Variants in MGAT1 observed in about 807,000 individuals in gnomAD.
The protein encoded by MGAT1 is alpha-1,3-mannosyl-glycoprotein 2-beta-N-acetylglucosaminyltransferase.
Under a neutral mutation model 31.7 loss-of-function variants are expected in MGAT1, and 14 were observed. The ratio of observed to expected loss-of-function variants is 0.44; its 90% confidence interval spans 0.29 to 0.69. The LOEUF is 0.69. Among genes scored for constraint, MGAT1 ranks in the 30% least tolerant of loss-of-function variants. MGAT1 has a pLI of 0.12. For synonymous variants in MGAT1, 338 were observed against 276.0 expected, an observed-to-expected ratio of 1.22 and a Z score of -2.23; for missense variants, 557 against 626.0, an observed-to-expected ratio of 0.89 and a Z score of 1.18.
chr5:180,811,510 A>C (rs1561885428), intron 1 of MGAT1: 1 of 152,088 alleles, frequency 6.6e-6, no homozygotes, highest in African/African-American at 2.4e-5. Flanking sequence ...TCAGGCCAGA[A>C]CCAGAAGAGC....
chr5:180,808,677 G>A (rs989694253), exon 2 of MGAT1: 3 of 152,264 alleles, frequency 2.0e-5, no homozygotes, highest in Admixed American at 1.3e-4. Context: ...TTGCTCTCCA[G>A]GAGATCATCA....
rs77446055 is a variant in MGAT1 at position 180,788,454 on chromosome 5, G to A, written c.*3180C>T. ...GCTGGGGAATGGCCTGGAAGAGGCC[G>A]TAAAGGCTGGAATGGAACAGTCCAG... On this transcript the variant is annotated 3_prime_UTR_variant, in exon 2 of 2. Coordinates refer to ENST00000307826, the MANE Select transcript of MGAT1 (RefSeq NM_002406.4). 0.086 allele frequency: 13,152 copies of A among 152,452 alleles called. 1,220 individuals carry two copies. The highest frequency in any genetic ancestry group is 0.23 in the African/African-American group (9,718 of 41,498). The allele number at this position is 152,452 out of a possible 1,614,324, so 9.4% of individuals were successfully genotyped here.
chr5:180,793,809 C>T (rs1255114516), intron 1 of MGAT1, among the ~76,000 whole-genome samples: 1 of 152,146 alleles, frequency 6.6e-6, no homozygotes, highest in Non-Finnish European at 1.5e-5. Flanking sequence ...GAAAACCCTA[C>T]TTACAAAAGC....
At chr5:180,800,328 T>C (rs1175219917) in intron 1 of MGAT1, among the ~76,000 whole-genome samples, 1 of 152,246 alleles carries the variant, frequency 6.6e-6, no homozygotes, top group Non-Finnish European at 1.5e-5. Context: ...ACAATAGTTA[T>C]CACTTACTCC....
Position 180,794,411 on chromosome 5 carries a change from T to TTA in MGAT1, c.-126-1316_-126-1315dup, listed in dbSNP as rs1554130047. The stretch of plus-strand genomic sequence containing the variant: ...TCTGTCTCAAAAAAATTTTTTTTTA[T>TTA]TATATATATATATATATGGCATACT... On this transcript the variant is annotated intron_variant, in intron 1 of 1. Transcript: ENST00000307826. Among the ~76,000 whole-genome samples the TTA allele has an allele frequency of 3.3e-3, 463 of 141,984 alleles. 1 individual carries two copies. Among genetic ancestry groups the TTA allele is most frequent in the Middle Eastern group, 0.014 (4 of 288 alleles). The allele number at this position is 141,984 out of a possible 152,430, so 93.1% of individuals were successfully genotyped here. A position where few individuals can be genotyped will look rare whatever the true frequency, so the allele number is the denominator to read the frequency against.
chr5:180,797,429 A>AAAG (rs1491382896), intron 1 of MGAT1, among the ~76,000 whole-genome samples: 57 of 90,390 alleles, frequency 6.3e-4, no homozygotes, highest in African/African-American at 1.8e-3. Flanking sequence ...AAAAAAAAAA[A>AAAG]GGGGGGGGGG....
chr5:180,810,267 T>G (rs1461334702), intron 1 of MGAT1: 1 of 152,230 alleles, frequency 6.6e-6, no homozygotes, highest in East Asian at 1.9e-4. Context: ...CCGCCCATTT[T>G]TCTACCCAAC....
rs116483755 is a variant in MGAT1, at chr5:180,801,117, G to A, written c.-127+1563C>T. 9.9e-3 allele frequency among the ~76,000 whole-genome samples: 1,514 copies of A among 152,342 alleles called. 23 individuals are homozygous for A. The highest frequency in any genetic ancestry group is 0.035 in the African/African-American group (1,462 of 41,580). ...CTATGGGGCTCACTCAGTTTCTGAA[G>A]CATTTGAAGGACTGCCTAGGAGCTG... On this transcript the variant is annotated intron_variant, in intron 1 of 1. Transcript: ENST00000307826.
In MGAT1 at chr5:180,792,074, C is replaced by T. The variant is rs1370681184; in HGVS notation, c.898G>A (p.Gly300Arg). ...ATCTCAGGGCGTATGCAGGCCCGCC[C>T]CTGCCGCTGCTCCGGCCGCCGCATC... is the stretch of plus-strand genomic sequence containing the variant. ...DWMRRPEQRQ[G>R]RACIRPEISR... Residue 300 changes from glycine to arginine, a missense_variant, in exon 2 of 2, where the codon GGG becomes AGG. By Grantham distance (125) the Gly-to-Arg change is moderately radical. This residue lies in a region of MGAT1 where 245 missense variants were observed against 332.9 expected (regional missense o/e 0.74). Transcript: ENST00000307826. 1.2e-6 allele frequency: 2 copies of T among 1,613,100 alleles called. No homozygotes were observed. Among genetic ancestry groups the T allele is most frequent in the Non-Finnish European group, 1.7e-6 (2 of 1,179,894 alleles).
chr5:180,806,143 G>A (rs1000218119), upstream of MGAT1, among the ~76,000 whole-genome samples: 9 of 152,026 alleles, frequency 5.9e-5, no homozygotes, highest in African/African-American at 2.2e-4. Flanking sequence ...AAAATTAGCC[G>A]GGCGTGGTGG....
chr5:180,806,154 C>T (rs188708791), upstream of MGAT1, among the ~76,000 whole-genome samples: 4 of 152,074 alleles, frequency 2.6e-5, no homozygotes, highest in African/African-American at 7.2e-5. Context: ...GGCGTGGTGG[C>T]GTGTGCCTGT....
chr5:180,806,467 A>T (rs1349539137), upstream of MGAT1, among the ~76,000 whole-genome samples: 1 of 152,172 alleles, frequency 6.6e-6, no homozygotes, highest in African/African-American at 2.4e-5. Context: ...GGTCAGGGAG[A>T]GGAATGCTTG....
intron 1 of MGAT1, among the ~76,000 whole-genome samples, chr5:180,800,379 AGAG>A (rs1384515334): frequency 4.6e-5 from 7 of 152,252 alleles, no homozygotes; most frequent in Non-Finnish European, 1.0e-4. Flanking sequence ...AGTGCAGCAC[AGAG>A]GAGATGACGT....
At chr5:180,808,703 C>T (rs1240012364) in exon 2 of MGAT1, 1 of 152,262 alleles carries the variant, frequency 6.6e-6, no homozygotes, top group African/African-American at 2.4e-5. Context: ...CCATTCAGCA[C>T]TCCATTTTCA....
chr5:180,800,551 G>GTA (rs1476925543), intron 1 of MGAT1, among the ~76,000 whole-genome samples: 2 of 152,154 alleles, frequency 1.3e-5, no homozygotes, highest in African/African-American at 4.8e-5. Context: ...CCTCTATGTG[G>GTA]CCTGGAAATG....
intron 1 of MGAT1, among the ~76,000 whole-genome samples, chr5:180,796,363 G>C (rs1241880951): frequency 6.6e-6 from 1 of 152,134 alleles, no homozygotes; most frequent in African/African-American, 2.4e-5. Flanking sequence ...CGTCAAGTCT[G>C]TTTCCATGTA....
At chr5:180,795,236 T>G (rs1769077584) in intron 1 of MGAT1, among the ~76,000 whole-genome samples, 1 of 151,678 alleles carries the variant, frequency 6.6e-6, no homozygotes, top group East Asian at 1.9e-4. Flanking sequence ...TCTAGAAGGG[T>G]GGATATGTTT....
chr5:180,814,557 C>T (rs1772753968), intron 1 of MGAT1, among the ~76,000 whole-genome samples: 1 of 152,216 alleles, frequency 6.6e-6, no homozygotes, highest in Non-Finnish European at 1.5e-5. Context: ...TTTACACTTT[C>T]TTTCGAGATG....
Position 180,792,338 on chromosome 5 carries a change from G to A in MGAT1, c.634C>T (p.Leu212=), listed in dbSNP as rs760331932. The A allele has an allele frequency of 1.2e-6, 2 of 1,611,464 alleles. No individual in the cohort carries two copies. Among genetic ancestry groups the A allele is most frequent in the Admixed American group, 1.7e-5 (1 of 59,974 alleles). ...FPAAVVVEDD[L]EVAPDFFEYF... ...TCGAAGAAGTCCGGGGCCACCTCCAGGTCATCCTCCACCACCACGGCCGCG... is the reference window on the plus strand; with the variant it reads ...TCGAAGAAGTCCGGGGCCACCTCCAAGTCATCCTCCACCACCACGGCCGCG... Residue 212 remains leucine, a synonymous_variant, in exon 2 of 2, where the codon CTG becomes TTG. Transcript: ENST00000307826.
Sources: allele counts gnomAD v4.1 joint callset (sites outside exome capture counted in the v4.1 genomes callset), GRCh38; gene constraint gnomAD v4.1.1; regional missense constraint gnomAD v4.1.1; transcripts MANE v1.5; gene names NCBI Gene and HGNC (gene_info 2026-07-23, HGNC 2026-07-21).